CNTN4: variants seen among roughly 807,000 people sequenced by gnomAD.
CNTN4 encodes the protein contactin 4.
CNTN4 carries 77 observed loss-of-function variants against 122.5 expected under a neutral mutation model. The observed-to-expected ratio is 0.63, with a 90% CI of 0.52 to 0.76. The LOEUF is 0.76. CNTN4 is among the 30% of genes least tolerant of loss of function. The pLI, the probability that CNTN4 is intolerant of heterozygous loss-of-function variation, is 0.00. For missense variants in CNTN4, 1,256 were observed against 1,259.1 expected, an observed-to-expected ratio of 1.00 and a Z score of 0.04; for synonymous variants, 512 against 447.0, an observed-to-expected ratio of 1.15 and a Z score of -1.83.
At chr3:2,539,825 A>G (rs1169280336) in intron 3 of CNTN4, among the ~76,000 whole-genome samples, 1 of 152,046 alleles carries the variant, frequency 6.6e-6, no homozygotes, top group East Asian at 1.9e-4. Flanking sequence ...CCTTATGATA[A>G]CTGATATTCA....
chr3:2,966,706 T>A (rs1200334197), intron 13 of CNTN4, among the ~76,000 whole-genome samples: 9 of 152,248 alleles, frequency 5.9e-5, no homozygotes, highest in Non-Finnish European at 1.0e-4. Flanking sequence ...TTACACATTA[T>A]ATGCCTGTAT....
At chr3:2,227,581 C>T (rs1188397613) in intron 2 of CNTN4, among the ~76,000 whole-genome samples, 4 of 152,124 alleles carry the variant, frequency 2.6e-5, no homozygotes, top group Non-Finnish European at 5.9e-5. Flanking sequence ...CTCTGCACTT[C>T]CACCCATTTT....
chr3:2,389,769 A>C (rs1191484563), intron 3 of CNTN4, among the ~76,000 whole-genome samples: 1 of 152,244 alleles, frequency 6.6e-6, no homozygotes, highest in Non-Finnish European at 1.5e-5. Flanking sequence ...CAAAGGTAGC[A>C]TGACAGTAAT....
chr3:2,568,689 G>T (rs918230328), intron 3 of CNTN4, among the ~76,000 whole-genome samples: 2 of 152,096 alleles, frequency 1.3e-5, no homozygotes, highest in Non-Finnish European at 1.5e-5. Flanking sequence ...CGGATGCTTT[G>T]GTTACCACTG....
intron 3 of CNTN4, among the ~76,000 whole-genome samples, chr3:2,386,190 G>T (rs199922483): frequency 6.6e-6 from 1 of 151,946 alleles, no homozygotes; most frequent in Non-Finnish European, 1.5e-5. Context: ...AGTGCTTATT[G>T]AACTCAAACA....
chr3:2,765,351 A>G lies in CNTN4; in HGVS notation c.358+19654A>G, dbSNP rs78300086. ...CCCACTTAACCGACAGTGCTAGAGA[A>G]TGGAGCTCAAGTAATGCTGATAGTG... On this transcript the variant is annotated intron_variant, in intron 6 of 24. Transcript: ENST00000418658. 4.3e-3 allele frequency among the ~76,000 whole-genome samples: 659 copies of G among 152,334 alleles called. 6 individuals carry two copies. The highest frequency in any genetic ancestry group is 0.014 in the African/African-American group (600 of 41,586).
At chr3:2,506,261 C>T (rs2076728228) in intron 3 of CNTN4, among the ~76,000 whole-genome samples, 1 of 152,126 alleles carries the variant, frequency 6.6e-6, no homozygotes, top group Non-Finnish European at 1.5e-5. Context: ...AAATGAAAAG[C>T]CTCTGCTATC....
chr3:2,333,065 T>C (rs2043802360), intron 2 of CNTN4, among the ~76,000 whole-genome samples: 1 of 152,152 alleles, frequency 6.6e-6, no homozygotes. Flanking sequence ...TCCTCTCCAA[T>C]GAGCTGTCCT....
chr3:2,624,725 G>A (rs923132017), intron 4 of CNTN4, among the ~76,000 whole-genome samples: 16 of 143,502 alleles, frequency 1.1e-4, no homozygotes, highest in Admixed American at 1.1e-3. Flanking sequence ...TCCGCCTCCC[G>A]GGTTCAAGCA....
At chr3:2,785,895 G>GCCCCCCC (rs149802098) in intron 6 of CNTN4, among the ~76,000 whole-genome samples, 8 of 81,668 alleles carry the variant, frequency 9.8e-5, no homozygotes, top group Non-Finnish European at 1.2e-4. Context: ...GGCCCACGCT[G>GCCCCCCC]CCCCCCCCCG....
chr3:2,525,554 G>T (rs1559637496), intron 3 of CNTN4, among the ~76,000 whole-genome samples: 1 of 152,120 alleles, frequency 6.6e-6, no homozygotes, highest in Non-Finnish European at 1.5e-5. Context: ...GCATACCTTT[G>T]TGTGTATGTT....
chr3:2,496,781 T>G (rs1256151507), intron 3 of CNTN4, among the ~76,000 whole-genome samples: 2 of 152,184 alleles, frequency 1.3e-5, no homozygotes, highest in African/African-American at 2.4e-5. Flanking sequence ...AAGTGTTCCC[T>G]TGTGTTAAGG....
chr3:2,523,043 G>T (rs750505374), intron 3 of CNTN4, among the ~76,000 whole-genome samples: 6 of 152,016 alleles, frequency 3.9e-5, no homozygotes, highest in Admixed American at 1.3e-4. Flanking sequence ...GAGTCTTGTA[G>T]ATAGTTATTT....
chr3:2,403,452 T>A (rs1261269687), intron 3 of CNTN4, among the ~76,000 whole-genome samples: 1 of 152,198 alleles, frequency 6.6e-6, no homozygotes, highest in Non-Finnish European at 1.5e-5. Flanking sequence ...ATGATGTTTC[T>A]GGATCTTCCC....
intron 23 of CNTN4, among the ~76,000 whole-genome samples, chr3:3,043,912 G>A (rs2125803214): frequency 6.6e-6 from 1 of 152,248 alleles, no homozygotes; most frequent in East Asian, 1.9e-4. Context: ...CTTAACTTTA[G>A]TCTCAGGCAG....
chr3:2,371,867 G>A (rs959359600), intron 3 of CNTN4, among the ~76,000 whole-genome samples: 14 of 152,296 alleles, frequency 9.2e-5, no homozygotes, highest in South Asian at 2.1e-4. Context: ...CAGTGATTGG[G>A]AAACATGGTA....
chr3:2,861,315 G>A (rs1356668919), intron 7 of CNTN4, among the ~76,000 whole-genome samples: 1 of 151,974 alleles, frequency 6.6e-6, no homozygotes, highest in Non-Finnish European at 1.5e-5. Context: ...CCCTGTCTTT[G>A]TAACTGCTCT....
At chr3:2,520,811 C>T (rs1172843412) in intron 3 of CNTN4, among the ~76,000 whole-genome samples, 1 of 152,062 alleles carries the variant, frequency 6.6e-6, no homozygotes, top group South Asian at 2.1e-4. Context: ...CGTACCTGTG[C>T]AGATGACAGA....
chr3:2,252,885 C>T (rs888215042), intron 2 of CNTN4, among the ~76,000 whole-genome samples: 19 of 151,938 alleles, frequency 1.3e-4, no homozygotes, highest in African/African-American at 3.9e-4. Context: ...CTTTTTGGTA[C>T]GTTTTCTTAT....
Sources: allele counts gnomAD v4.1 joint callset (sites outside exome capture counted in the v4.1 genomes callset), GRCh38; gene constraint gnomAD v4.1.1; transcripts MANE v1.5; gene names NCBI Gene and HGNC (gene_info 2026-07-23, HGNC 2026-07-21).